The following TRHDE variants were observed in gnomAD, a reference collection of about 807,000 sequenced individuals.
TRHDE encodes the protein thyrotropin releasing hormone degrading enzyme.
TRHDE carries 72 observed loss-of-function variants against 125.7 expected under a neutral mutation model. The observed-to-expected ratio is 0.57, with a 90% confidence interval of 0.47 to 0.70. The LOEUF is 0.70. Among genes scored for constraint, TRHDE ranks in the 30% least tolerant of loss-of-function variants. The pLI is 0.00. For missense variants in TRHDE, 1,110 were observed against 1,327.1 expected (o/e 0.84, Z 2.54); for synonymous variants, 509 against 509.1 (o/e 1.00, Z 0.00).
At chr12:72,185,780 A>C (rs1156395127) in intron 2 of TRHDE, among the ~76,000 whole-genome samples, 1 of 150,594 alleles carries the variant, frequency 6.6e-6, no homozygotes, top group Non-Finnish European at 1.5e-5. Context: ...GATTGTAAAT[A>C]CACCACTCGG....
intron 2 of TRHDE, among the ~76,000 whole-genome samples, chr12:72,251,708 T>C (rs1012169044): frequency 2.6e-5 from 4 of 152,102 alleles, no homozygotes; most frequent in Admixed American, 6.6e-5. Flanking sequence ...GGATGTATGG[T>C]AACTCCATGC....
intron 12 of TRHDE, among the ~76,000 whole-genome samples, chr12:72,604,859 A>G (rs1476150411): frequency 2.0e-5 from 3 of 152,110 alleles, no homozygotes; most frequent in African/African-American, 4.8e-5. Flanking sequence ...TGTCACTATT[A>G]GAACATGGTA....
chr12:72,605,851 T>A (rs1180112166), intron 12 of TRHDE, among the ~76,000 whole-genome samples: 4 of 152,192 alleles, frequency 2.6e-5, no homozygotes, highest in African/African-American at 9.6e-5. Flanking sequence ...CGAGCTCTAA[T>A]ATCTTTTTGC....
At chr12:72,204,937 C>T (rs1877634588) in intron 2 of TRHDE, among the ~76,000 whole-genome samples, 1 of 152,150 alleles carries the variant, frequency 6.6e-6, no homozygotes, top group Admixed American at 6.5e-5. Flanking sequence ...CTTTATTTCT[C>T]TTCACACTTT....
intron 3 of TRHDE, among the ~76,000 whole-genome samples, chr12:72,468,775 G>T (rs1012345386): frequency 6.6e-6 from 1 of 152,232 alleles, no homozygotes; most frequent in Non-Finnish European, 1.5e-5. Flanking sequence ...ACTGCCTGTT[G>T]CTGGAGCCAG....
At chr12:72,113,185 A>AT (rs1054652406) in intron 2 of TRHDE, among the ~76,000 whole-genome samples, 11 of 149,882 alleles carry the variant, frequency 7.3e-5, no homozygotes, top group African/African-American at 2.7e-4. Context: ...ACCTGGCTAA[A>AT]TTTTTTTTTT....
chr12:72,267,232 A>G (rs1201413130), intron 2 of TRHDE, among the ~76,000 whole-genome samples: 1 of 152,100 alleles, frequency 6.6e-6, no homozygotes, highest in Non-Finnish European at 1.5e-5. Context: ...CATGATCTAT[A>G]CTTTGACTTT....
At chr12:72,206,169 G>A (rs1018279638) in intron 2 of TRHDE, among the ~76,000 whole-genome samples, 5 of 150,174 alleles carry the variant, frequency 3.3e-5, no homozygotes, top group Admixed American at 6.7e-5. Flanking sequence ...TCACTGCAAC[G>A]TCCGCCTCCT....
chr12:72,590,950 G>T (rs1205708973), intron 12 of TRHDE, among the ~76,000 whole-genome samples: 1 of 151,990 alleles, frequency 6.6e-6, no homozygotes, highest in Non-Finnish European at 1.5e-5. Flanking sequence ...GTATTAGTCT[G>T]TTCTCACACT....
intron 2 of TRHDE, among the ~76,000 whole-genome samples, chr12:72,354,234 T>C (rs1187716238): frequency 6.6e-6 from 1 of 151,478 alleles, no homozygotes; most frequent in Non-Finnish European, 1.5e-5. Context: ...ACACACAAAA[T>C]GCAATGTGTT....
At chr12:72,563,124 A>T in intron 9 of TRHDE, 84 bp downstream of exon 9, 1 of 1,023,272 alleles carries the variant, frequency 9.8e-7, no homozygotes, top group Non-Finnish European at 1.4e-6. Flanking sequence ...TTAATAACAA[A>T]ATTCTGAAAT....
intron 2 of TRHDE, among the ~76,000 whole-genome samples, chr12:72,116,171 C>T (rs1365867053): frequency 6.6e-6 from 1 of 152,146 alleles, no homozygotes; most frequent in Non-Finnish European, 1.5e-5. Flanking sequence ...TCATCCATGT[C>T]CCTGCAAAGG....
chr12:72,436,426 A>T (rs114195524), intron 3 of TRHDE, among the ~76,000 whole-genome samples: 1 of 151,976 alleles, frequency 6.6e-6, no homozygotes, highest in African/African-American at 2.4e-5. Flanking sequence ...TTATCATAAT[A>T]CGAACCTATT....
chr12:72,109,111 T>C (rs1032343571), intron 2 of TRHDE, among the ~76,000 whole-genome samples: 3 of 152,090 alleles, frequency 2.0e-5, no homozygotes, highest in Non-Finnish European at 4.4e-5. Flanking sequence ...AAATGTTTGT[T>C]GATTGCCTAC....
chr12:72,097,427 ATTTTCTCACTGAATTTTT>A (rs1566212222), intron 1 of TRHDE, among the ~76,000 whole-genome samples: 8 of 124,760 alleles, frequency 6.4e-5, no homozygotes, highest in Admixed American at 2.5e-4. Flanking sequence ...TTGCAGTAGC[ATTTTCTCACTGAATTTTT>A]TTTTTTTTTT....
intron 2 of TRHDE, among the ~76,000 whole-genome samples, chr12:72,259,058 ACT>A (rs2139392770): frequency 6.6e-6 from 1 of 151,496 alleles, no homozygotes; most frequent in Admixed American, 6.6e-5. Flanking sequence ...ATACTTTGAA[ACT>A]CTGTAAAATT....
intron 1 of TRHDE, among the ~76,000 whole-genome samples, chr12:72,279,933 G>A (rs114481256): frequency 0.021 from 3,140 of 152,228 alleles, 116 homozygotes; most frequent in African/African-American, 0.071. Flanking sequence ...AAAAATCAGA[G>A]GATAGACAAA....
At chr12:72,316,064 C>A (rs1430175983) in intron 2 of TRHDE, among the ~76,000 whole-genome samples, 1 of 152,084 alleles carries the variant, frequency 6.6e-6, no homozygotes, top group African/African-American at 2.4e-5. Flanking sequence ...CAGCCGCCAG[C>A]ATAATAGCTG....
intron 15 of TRHDE, among the ~76,000 whole-genome samples, chr12:72,651,988 TGTAA>T (rs1451353344): frequency 6.6e-6 from 1 of 151,986 alleles, no homozygotes. Flanking sequence ...AAAATCTTTG[TGTAA>T]TAGCCATATT....
Sources: allele counts gnomAD v4.1 joint callset (sites outside exome capture counted in the v4.1 genomes callset), GRCh38; gene constraint gnomAD v4.1.1; transcripts MANE v1.5; gene names NCBI Gene and HGNC (gene_info 2026-07-23, HGNC 2026-07-21).